SUGCT: variants seen among roughly 807,000 people sequenced by gnomAD.
SUGCT encodes the protein succinyl-CoA:glutarate CoA-transferase.
Under a neutral mutation model 55.0 loss-of-function variants are expected in SUGCT, and 41 were observed. The observed-to-expected ratio is 0.74, with a 90% CI of 0.58 to 0.97. The LOEUF (loss-of-function observed/expected upper bound fraction) is 0.97. SUGCT is among the 50% of genes least tolerant of loss of function. SUGCT has a pLI of 0.00. For synonymous variants in SUGCT, 187 were observed against 200.4 expected (o/e 0.93, Z 0.56); for missense variants, 568 against 547.8 (o/e 1.04, Z -0.37).
chr7:40,803,818 G>A (rs550115888), intron 13 of SUGCT, among the ~76,000 whole-genome samples: 9 of 152,238 alleles, frequency 5.9e-5, no homozygotes, highest in Non-Finnish European at 8.8e-5. Context: ...TTGTGCTGTT[G>A]CATTTGTCTT....
intron 13 of SUGCT, among the ~76,000 whole-genome samples, chr7:40,750,120 C>A (rs1385145941): frequency 6.6e-6 from 1 of 152,194 alleles, no homozygotes; most frequent in Admixed American, 6.5e-5. Context: ...CCAGTAGCCT[C>A]ATGCCTACTC....
At chr7:40,157,973 C>G (rs772319123) in intron 1 of SUGCT, among the ~76,000 whole-genome samples, 20 of 152,110 alleles carry the variant, frequency 1.3e-4, no homozygotes, top group Admixed American at 6.5e-5. Flanking sequence ...CTTTGGGAGG[C>G]TGAGGCAGGC....
chr7:40,386,253 A>T (rs973160048), intron 9 of SUGCT, among the ~76,000 whole-genome samples: 6 of 152,142 alleles, frequency 3.9e-5, no homozygotes, highest in African/African-American at 1.4e-4. Context: ...AATATCTAGA[A>T]AGCACATCTT....
chr7:40,263,103 A>G (rs1012475414), intron 7 of SUGCT, among the ~76,000 whole-genome samples: 7 of 152,060 alleles, frequency 4.6e-5, no homozygotes, highest in Non-Finnish European at 1.0e-4. Flanking sequence ...TTGTATTTTT[A>G]GAAGAGATGG....
intron 9 of SUGCT, among the ~76,000 whole-genome samples, chr7:40,333,751 C>A (rs1395266587): frequency 7.7e-5 from 6 of 78,100 alleles, no homozygotes; most frequent in African/African-American, 3.3e-4. Flanking sequence ...ACAGCATCGA[C>A]CAGTGGCTCT....
chr7:40,456,094 C>G lies in SUGCT; in HGVS notation c.889-3007C>G, dbSNP rs536621003. On this transcript the variant is annotated intron_variant, in intron 10 of 13. Coordinates refer to ENST00000335693, the MANE Select transcript of SUGCT (RefSeq NM_001193313.2). ...AGGATGGAGTGTAGTGGCATGATCTCGGCTCACTGCAACCTCTGCCTCCTG... is the reference window on the plus strand; with the variant it reads ...AGGATGGAGTGTAGTGGCATGATCTGGGCTCACTGCAACCTCTGCCTCCTG... 2.6e-5 allele frequency among the ~76,000 whole-genome samples: 4 copies of G among 152,150 alleles called. No individual in the cohort carries two copies. In the South Asian group the frequency reaches 8.3e-4, roughly 32 times the overall value.
chr7:40,574,842 G>A (rs185792535), intron 12 of SUGCT, among the ~76,000 whole-genome samples: 8 of 152,288 alleles, frequency 5.3e-5, no homozygotes, highest in African/African-American at 1.9e-4. Context: ...ACTTGCTTCT[G>A]TGGACATCAT....
intron 8 of SUGCT, among the ~76,000 whole-genome samples, chr7:40,290,212 A>T (rs1361614567): frequency 1.3e-5 from 2 of 152,204 alleles, no homozygotes; most frequent in Non-Finnish European, 2.9e-5. Context: ...ATCCTAAGCC[A>T]AAAGAACAAA....
chr7:40,748,333 G>A (rs1267018940), intron 12 of SUGCT, among the ~76,000 whole-genome samples: 2 of 152,014 alleles, frequency 1.3e-5, no homozygotes, highest in African/African-American at 4.8e-5. Context: ...GTTTATAGTG[G>A]CGTGAAAGTA....
chr7:40,353,030 A>T (rs191324111), intron 9 of SUGCT, among the ~76,000 whole-genome samples: 1 of 152,090 alleles, frequency 6.6e-6, no homozygotes, highest in East Asian at 1.9e-4. Context: ...ATGATTAGTG[A>T]TGTTTAGCAC....
the SUGCT span, among the ~76,000 whole-genome samples, chr7:41,018,026 TC>T: frequency 6.6e-6 from 1 of 151,824 alleles, no homozygotes; most frequent in Admixed American, 6.6e-5. Context: ...GCCAGTGTAC[TC>T]TGCCTGCCCT....
chr7:40,936,235 A>T, the SUGCT span, among the ~76,000 whole-genome samples: 550 of 150,090 alleles, frequency 3.7e-3, 1 homozygote, highest in African/African-American at 0.012. Flanking sequence ...GATGTTTATT[A>T]TTATTATTAT....
At chr7:40,745,716 G>C (rs567424627) in intron 12 of SUGCT, among the ~76,000 whole-genome samples, 9 of 152,106 alleles carry the variant, frequency 5.9e-5, no homozygotes, top group Non-Finnish European at 1.3e-4. Flanking sequence ...TAAAATGAAG[G>C]AGAAAACAGT....
At chr7:40,458,790 G>T (rs190990543) in intron 10 of SUGCT, among the ~76,000 whole-genome samples, 18 of 152,132 alleles carry the variant, frequency 1.2e-4, no homozygotes, top group African/African-American at 3.1e-4. Flanking sequence ...ATTTTTTTCT[G>T]TGGGGATCTG....
intron 9 of SUGCT, among the ~76,000 whole-genome samples, chr7:40,345,695 C>G (rs1797272091): frequency 6.6e-6 from 1 of 151,916 alleles, no homozygotes; most frequent in Non-Finnish European, 1.5e-5. Context: ...AAATCTATAT[C>G]TGAGAGTAGA....
intron 12 of SUGCT, among the ~76,000 whole-genome samples, chr7:40,639,444 T>C (rs1004702488): frequency 2.6e-5 from 4 of 152,150 alleles, no homozygotes; most frequent in Non-Finnish European, 5.9e-5. Context: ...CTTGAGACGG[T>C]CACATCAATT....
intron 1 of SUGCT, among the ~76,000 whole-genome samples, chr7:40,160,536 T>C (rs185774682): frequency 1.4e-4 from 22 of 152,236 alleles, no homozygotes; most frequent in Admixed American, 7.2e-4. Flanking sequence ...GATGAAATGA[T>C]TTTTTTAAAA....
intron 1 of SUGCT, among the ~76,000 whole-genome samples, chr7:40,174,617 G>A (rs896463730): frequency 2.0e-5 from 3 of 152,190 alleles, no homozygotes; most frequent in Non-Finnish European, 4.4e-5. Context: ...ACCCTAGCCT[G>A]GGCAACAAAG....
chr7:40,247,448 G>A lies in SUGCT; in HGVS notation c.576+9722G>A, dbSNP rs1484567385. Among the ~76,000 whole-genome samples the A allele has an allele frequency of 2.0e-5, 3 of 151,972 alleles. No individual in the cohort carries two copies. The East Asian group carries it at 5.8e-4, about 29-fold the overall frequency. On this transcript the variant is annotated intron_variant, in intron 7 of 13. Coordinates refer to ENST00000335693, the MANE Select transcript of SUGCT (RefSeq NM_001193313.2). ...TATTTTTGTATTTTTAGTAGGGACG[G>A]GGTTTCACCATGTTGGCCAGGCTGG...
Sources: gnomAD v4.1 joint callset for allele counts (sites outside exome capture counted in the v4.1 genomes callset) on GRCh38, gnomAD v4.1.1 for gene constraint, MANE v1.5 for transcripts, NCBI Gene and HGNC (gene_info 2026-07-23, HGNC 2026-07-21) for gene names.